RBFOX1: variants seen among roughly 807,000 people sequenced by gnomAD.
The protein encoded by RBFOX1 is RNA binding fox-1 homolog 1.
Under a neutral mutation model 57.7 loss-of-function variants are expected in RBFOX1, and 8 were observed. That is an observed-to-expected ratio of 0.14 (90% confidence interval 0.08 to 0.25). The LOEUF is 0.25. RBFOX1 is among the 10% of genes least tolerant of loss of function. RBFOX1 has a pLI of 1.00. For synonymous variants in RBFOX1, 326 were observed against 222.4 expected, an observed-to-expected ratio of 1.47 and a Z score of -4.15; for missense variants, 611 against 548.5, an observed-to-expected ratio of 1.11 and a Z score of -1.14.
At chr16:5,493,617 G>A (rs569582406) in intron 2 of RBFOX1, among the ~76,000 whole-genome samples, 4 of 152,356 alleles carry the variant, frequency 2.6e-5, no homozygotes, top group East Asian at 1.9e-4. Context: ...AATGTAATAA[G>A]AGCTGAGAGT....
intron 3 of RBFOX1, among the ~76,000 whole-genome samples, chr16:7,029,105 C>T (rs867570846): frequency 0.022 from 2,078 of 92,492 alleles, 390 homozygotes; most frequent in African/African-American, 0.13. Context: ...CACACACACA[C>T]ACACACACAC....
intron 1 of RBFOX1, among the ~76,000 whole-genome samples, chr16:6,287,866 G>A (rs1479413894): frequency 6.6e-6 from 1 of 152,124 alleles, no homozygotes; most frequent in African/African-American, 2.4e-5. Context: ...AATACTGGTA[G>A]AACTTCACAT....
At chr16:7,491,105 T>G (rs2066827034) in intron 4 of RBFOX1, among the ~76,000 whole-genome samples, 2 of 152,166 alleles carry the variant, frequency 1.3e-5, no homozygotes, top group South Asian at 4.1e-4. Context: ...AATCTGGCTC[T>G]TAAATAAAGT....
intron 3 of RBFOX1, among the ~76,000 whole-genome samples, chr16:6,960,909 G>A (rs563166550): frequency 2.6e-5 from 4 of 151,064 alleles, no homozygotes; most frequent in South Asian, 2.1e-4. Flanking sequence ...CAAGGTGGGC[G>A]GATCACTTGA....
At chr16:7,381,833 G>C (rs2097786515) in intron 4 of RBFOX1, among the ~76,000 whole-genome samples, 1 of 152,148 alleles carries the variant, frequency 6.6e-6, no homozygotes, top group East Asian at 1.9e-4. Flanking sequence ...TTCTCTATGT[G>C]GGGACTGCTG....
Position 7,029,270 on chromosome 16 carries a change from ATACGTATATATATACACATATATATATAC to A in RBFOX1, c.-15-22786_-15-22758del, listed in dbSNP as rs1350565893. 3.4e-4 allele frequency among the ~76,000 whole-genome samples: 47 copies of A among 138,456 alleles called. 2 individuals are homozygous for A. The highest frequency in any genetic ancestry group is 1.2e-3 in the African/African-American group (46 of 37,182). The allele number at this position is 138,456 out of a possible 152,430, so 90.8% of individuals were successfully genotyped here. ...TATATATACACACATATATATACGT[ATACGTATATATATACACATATATATATAC>A]GTATATGTATATATATATAAAATCA... On this transcript the variant is annotated intron_variant, in intron 3 of 15. Transcript: ENST00000550418.
intron 2 of RBFOX1, among the ~76,000 whole-genome samples, chr16:6,593,813 T>C (rs974535882): frequency 3.9e-5 from 6 of 152,166 alleles, no homozygotes; most frequent in African/African-American, 1.4e-4. Context: ...AGATTTTCAA[T>C]GAGGACTACG....
At chr16:5,795,702 G>A (rs747635771) in intron 3 of RBFOX1, among the ~76,000 whole-genome samples, 1 of 151,950 alleles carries the variant, frequency 6.6e-6, no homozygotes, top group Non-Finnish European at 1.5e-5. Flanking sequence ...GCCTTCTCTG[G>A]CCTCCTAAAT....
intron 3 of RBFOX1, among the ~76,000 whole-genome samples, chr16:5,845,387 G>C (rs1037739430): frequency 3.9e-5 from 6 of 152,208 alleles, no homozygotes; most frequent in African/African-American, 7.2e-5. Context: ...TCTCCAAGGA[G>C]GTCCACATCC....
chr16:5,597,095 C>G (rs1567276325), intron 2 of RBFOX1, among the ~76,000 whole-genome samples: 1 of 152,162 alleles, frequency 6.6e-6, no homozygotes, highest in Non-Finnish European at 1.5e-5. Flanking sequence ...AATCCCAGAA[C>G]TCTGTGGGTG....
At chr16:6,118,665 C>G (rs2096524561) in intron 1 of RBFOX1, among the ~76,000 whole-genome samples, 1 of 150,232 alleles carries the variant, frequency 6.7e-6, no homozygotes. Context: ...CCTCTCCTTC[C>G]TTCCTTCCTT....
At chr16:7,010,062 GA>G (rs2093576601) in intron 3 of RBFOX1, among the ~76,000 whole-genome samples, 1 of 152,178 alleles carries the variant, frequency 6.6e-6, no homozygotes, top group East Asian at 1.9e-4. Context: ...GAGGCCCTGG[GA>G]GAATTCAAAT....
intron 2 of RBFOX1, among the ~76,000 whole-genome samples, chr16:5,540,896 C>T (rs1206173711): frequency 3.3e-5 from 5 of 152,146 alleles, no homozygotes; most frequent in East Asian, 1.9e-4. Flanking sequence ...GTCGCCCAGG[C>T]TGGAGTGCAG....
chr16:7,362,111 A>ATG (rs1348372186), intron 4 of RBFOX1, among the ~76,000 whole-genome samples: 1 of 149,242 alleles, frequency 6.7e-6, no homozygotes, highest in Non-Finnish European at 1.5e-5. Context: ...TAGTGTGTGT[A>ATG]TGTGTGTGGA....
At chr16:6,230,640 T>G (rs1437051820) in intron 1 of RBFOX1, among the ~76,000 whole-genome samples, 1 of 151,840 alleles carries the variant, frequency 6.6e-6, no homozygotes, top group Non-Finnish European at 1.5e-5. Context: ...GATGAGGGAG[T>G]GAGATTAGCA....
intron 4 of RBFOX1, among the ~76,000 whole-genome samples, chr16:7,082,104 C>T (rs1462696557): frequency 6.6e-6 from 1 of 152,160 alleles, no homozygotes; most frequent in Non-Finnish European, 1.5e-5. Context: ...GGGAGAACCA[C>T]TCTGGAGATC....
At chr16:6,090,017 A>G (rs2096148121) in intron 1 of RBFOX1, 1 of 152,220 alleles carries the variant, frequency 6.6e-6, no homozygotes, top group African/African-American at 2.4e-5. Context: ...GTAGGCAGCA[A>G]TAAGAAACTA....
chr16:5,873,234 G>A (rs762112564), intron 4 of RBFOX1, among the ~76,000 whole-genome samples: 1 of 152,200 alleles, frequency 6.6e-6, no homozygotes, highest in African/African-American at 2.4e-5. Flanking sequence ...GAGACCTGTT[G>A]TTTTGAAAGC....
intron 4 of RBFOX1, among the ~76,000 whole-genome samples, chr16:7,189,158 G>A (rs1055919990): frequency 1.3e-5 from 2 of 151,988 alleles, no homozygotes; most frequent in Non-Finnish European, 2.9e-5. Flanking sequence ...GGGCACGGTG[G>A]CTCATGCCTG....
Sources: allele counts gnomAD v4.1 joint callset (sites outside exome capture counted in the v4.1 genomes callset), GRCh38; gene constraint gnomAD v4.1.1; transcripts MANE v1.5; gene names NCBI Gene and HGNC (gene_info 2026-07-23, HGNC 2026-07-21).